The following DPP6 variants were observed in gnomAD, a reference collection of about 807,000 sequenced individuals.
DPP6 encodes dipeptidyl peptidase like 6.
In DPP6, 69 loss-of-function variants were observed where a neutral mutation model predicts 122.6. That is an observed-to-expected ratio of 0.56 (90% CI 0.46 to 0.69). The LOEUF (loss-of-function observed/expected upper bound fraction) is 0.69. Among genes scored for constraint, DPP6 ranks in the 30% least tolerant of loss-of-function variants. The pLI is 0.00. For synonymous variants in DPP6, 418 were observed against 433.1 expected (o/e 0.97, Z 0.43); for missense variants, 928 against 1,116.9 (o/e 0.83, Z 2.41).
intron 1 of DPP6, among the ~76,000 whole-genome samples, chr7:154,325,328 G>A (rs151267013): frequency 1.5e-3 from 222 of 152,224 alleles, no homozygotes; most frequent in Middle Eastern, 6.8e-3. Context: ...ATGGGATGTA[G>A]GGCCTATATA....
chr7:154,888,930 A>C (rs1480352710), intron 23 of DPP6, among the ~76,000 whole-genome samples: 1 of 152,190 alleles, frequency 6.6e-6, no homozygotes, highest in Admixed American at 6.5e-5. Context: ...CTGCCTTATA[A>C]AGTCATCAGC....
Position 154,219,508 on chromosome 7 carries a change from A to G in DPP6, c.243+166445A>G, listed in dbSNP as rs75721253. ...CTTTCCGGGTAACTGAAGCTTACCC[A>G]TTGAAGAGTTTTTTGTTTAATATTG... On this transcript the variant is annotated intron_variant, in intron 1 of 25. Transcript: ENST00000377770. 2.9e-3 allele frequency among the ~76,000 whole-genome samples: 442 copies of G among 152,304 alleles called. 6 individuals carry two copies. Among genetic ancestry groups the G allele is most frequent in the African/African-American group, 0.01 (430 of 41,580 alleles).
chr7:154,869,888 T>C (rs1198502487), intron 18 of DPP6, among the ~76,000 whole-genome samples: 2 of 115,444 alleles, frequency 1.7e-5, no homozygotes, highest in African/African-American at 6.7e-5. Flanking sequence ...GTCCAAAGGC[T>C]GTCTCTCTTA....
chr7:153,958,096 G>A (rs775881294), intron 1 of DPP6, among the ~76,000 whole-genome samples: 10 of 152,052 alleles, frequency 6.6e-5, no homozygotes, highest in East Asian at 1.9e-4. Context: ...CCCGGGAGGC[G>A]GAGGTTGCAG....
Position 154,879,367 on chromosome 7 carries a change from T to C in DPP6, c.2079-1521T>C, listed in dbSNP as rs1054373655. Reference sequence around the variant, plus strand: ...AGGCCGAGGCGGGCGGATCACGAGGTCAGGAGATCGAGACCATCCTGGCTA... The same window carrying C: ...AGGCCGAGGCGGGCGGATCACGAGGCCAGGAGATCGAGACCATCCTGGCTA... On this transcript the variant is annotated intron_variant, in intron 20 of 25. Coordinates refer to ENST00000377770, the MANE Select transcript of DPP6 (RefSeq NM_130797.4). Among the ~76,000 whole-genome samples the C allele has an allele frequency of 1.5e-5, 2 of 131,486 alleles. 1 individual carries two copies. Among genetic ancestry groups the C allele is most frequent in the Non-Finnish European group, 3.1e-5 (2 of 64,410 alleles). The allele number at this position is 131,486 out of a possible 152,430, so 86.3% of individuals were successfully genotyped here.
At chr7:154,803,005 A>G (rs1011890109) in intron 13 of DPP6, among the ~76,000 whole-genome samples, 1 of 152,016 alleles carries the variant, frequency 6.6e-6, no homozygotes, top group African/African-American at 2.4e-5. Flanking sequence ...GTTCCCAGGA[A>G]CCCCTCGGGG....
chr7:154,502,623 C>T lies in DPP6; in HGVS notation c.457+27586C>T, dbSNP rs184981668. Among the ~76,000 whole-genome samples, 262 of 152,264 alleles carry T rather than the reference C, an allele frequency of 1.7e-3. No homozygotes were observed. The Middle Eastern group carries it at 0.02, about 12-fold the overall frequency. The stretch of plus-strand genomic sequence containing the variant: ...GTGAGGCCTCCCCAGCCACATGGAA[C>T]TGTAAGTCCAATAAACCACCTACTT... On this transcript the variant is annotated intron_variant, in intron 3 of 25. Coordinates refer to ENST00000377770, the MANE Select transcript of DPP6 (RefSeq NM_130797.4).
At chr7:153,867,944 G>T in the DPP6 span, among the ~76,000 whole-genome samples, 4,575 of 152,230 alleles carry the variant, frequency 0.03, 96 homozygotes, top group Non-Finnish European at 0.048. Context: ...TTTATATGCT[G>T]GATTACGTTT....
intron 3 of DPP6, among the ~76,000 whole-genome samples, chr7:154,507,578 T>C (rs774834439): frequency 2.6e-5 from 4 of 152,132 alleles, no homozygotes; most frequent in Non-Finnish European, 5.9e-5. Flanking sequence ...TGCATGGGCA[T>C]AAATTAGCAG....
chr7:154,406,106 C>A (rs1192135590), intron 1 of DPP6, among the ~76,000 whole-genome samples: 1 of 152,086 alleles, frequency 6.6e-6, no homozygotes, highest in African/African-American at 2.4e-5. Context: ...AAAGTCTATG[C>A]AAAATCTGGA....
intron 20 of DPP6, among the ~76,000 whole-genome samples, chr7:154,880,179 C>T (rs1207987386): frequency 2.0e-5 from 3 of 152,196 alleles, no homozygotes; most frequent in African/African-American, 7.2e-5. Flanking sequence ...TGGTTGAGGT[C>T]CAGAAACCGG....
intron 4 of DPP6, among the ~76,000 whole-genome samples, chr7:154,542,183 T>G (rs1168534804): frequency 1.3e-5 from 2 of 152,268 alleles, no homozygotes; most frequent in Admixed American, 6.5e-5. Flanking sequence ...AATGATCACT[T>G]TATTGAATTA....
the DPP6 span, among the ~76,000 whole-genome samples, chr7:153,871,722 A>C: frequency 6.6e-6 from 1 of 152,130 alleles, no homozygotes; most frequent in Non-Finnish European, 1.5e-5. Flanking sequence ...AAATGCAGAA[A>C]TCACCCACCT....
At chr7:154,587,655 G>A (rs1339156365) in intron 5 of DPP6, 1 of 1,546,348 alleles carries the variant, frequency 6.5e-7, no homozygotes, top group Non-Finnish European at 8.7e-7. Context: ...TACAGATGAA[G>A]AAAGTGAAGT....
At chr7:154,446,688 C>T (rs1009359724) in intron 2 of DPP6, among the ~76,000 whole-genome samples, 1 of 152,104 alleles carries the variant, frequency 6.6e-6, no homozygotes, top group Non-Finnish European at 1.5e-5. Flanking sequence ...ATTAAAACAA[C>T]ATATGTTGAG....
At chr7:154,242,708 G>A (rs540198237) in intron 1 of DPP6, among the ~76,000 whole-genome samples, 2 of 152,212 alleles carry the variant, frequency 1.3e-5, no homozygotes. Context: ...GATTGGAGCT[G>A]TGGTCTCAGA....
chr7:154,388,251 C>T (rs60237385), intron 1 of DPP6, among the ~76,000 whole-genome samples: 6,882 of 152,190 alleles, frequency 0.045, 287 homozygotes, highest in East Asian at 0.11. Flanking sequence ...GTAATCACAC[C>T]ACTCCAGCCT....
intron 2 of DPP6, among the ~76,000 whole-genome samples, chr7:154,462,672 T>C (rs1037916257): frequency 6.6e-6 from 1 of 152,128 alleles, no homozygotes; most frequent in South Asian, 2.1e-4. Flanking sequence ...TATTATACTT[T>C]AAGTTTTAGG....
the DPP6 span, among the ~76,000 whole-genome samples, chr7:153,851,906 T>C: frequency 6.6e-6 from 1 of 152,220 alleles, no homozygotes; most frequent in African/African-American, 2.4e-5. Context: ...GTATATCAAA[T>C]GGTATTTGGC....
Sources: gnomAD v4.1 joint callset for allele counts (sites outside exome capture counted in the v4.1 genomes callset) on GRCh38, gnomAD v4.1.1 for gene constraint, MANE v1.5 for transcripts, NCBI Gene and HGNC (gene_info 2026-07-23, HGNC 2026-07-21) for gene names.